Variants in SMDT1 observed in about 807,000 individuals in gnomAD.
SMDT1 encodes the protein essential MCU regulator, mitochondrial.
SMDT1 carries 6 observed loss-of-function variants against 5.9 expected under a neutral mutation model. That is an observed-to-expected ratio of 1.03 (90% confidence interval 0.56 to 2.02). The LOEUF (loss-of-function observed/expected upper bound fraction) is 2.02. Ranked by LOEUF, SMDT1 falls within the 30% of genes most tolerant of loss-of-function variation. SMDT1 has a pLI of 0.00. For missense variants in SMDT1, 159 were observed against 145.6 expected, an observed-to-expected ratio of 1.09 and a Z score of -0.47; for synonymous variants, 81 against 62.4, an observed-to-expected ratio of 1.30 and a Z score of -1.40.
At chr22:42,081,721 C>T (rs567046660) in intron 1 of SMDT1, among the ~76,000 whole-genome samples, 55 of 152,290 alleles carry the variant, frequency 3.6e-4, no homozygotes, top group East Asian at 2.7e-3. Flanking sequence ...CTCAGCCTCC[C>T]AAAGTGCTGG....
chr22:42,081,863 T>C, intron 1 of SMDT1, 62 bp from the exon 2 acceptor site: 1 of 1,599,000 alleles, frequency 6.3e-7, no homozygotes, highest in Non-Finnish European at 8.5e-7. Flanking sequence ...GAGGGCCAGG[T>C]CTTCTTTGGT....
chr22:42,080,776 T>A (rs2146861098), intron 1 of SMDT1, among the ~76,000 whole-genome samples: 1 of 152,352 alleles, frequency 6.6e-6, no homozygotes, highest in Non-Finnish European at 1.5e-5. Flanking sequence ...ATTTTTTTAA[T>A]TCTAGGAATA....
rs1478821023 is a variant in SMDT1 at position 42,083,108 on chromosome 22, C to T, written c.*4-11C>T. The stretch of plus-strand genomic sequence containing the variant: ...TGTTGCCCAGTTCACTGCTGCTTTC[C>T]TTTCTTACAGGAATTACAGAAAGGA... On this transcript the variant is annotated splice_polypyrimidine_tract_variant and intron_variant, in intron 2 of 2. Transcript: ENST00000331479. 6.6e-6 allele frequency: 1 copy of T among 152,594 alleles called. No individual in the cohort carries two copies. The highest frequency in any genetic ancestry group is 1.5e-5 in the Non-Finnish European group (1 of 68,042). 9.5% of individuals were successfully genotyped at this position (152,594 alleles called of 1,614,324 possible). A position where few individuals can be genotyped will look rare whatever the true frequency, so the allele number is the denominator to read the frequency against.
At position 42,079,980 on chromosome 22, in the gene SMDT1, G is replaced by A. The variant is rs1193196690; in HGVS notation, c.186+26G>A. On this transcript the variant is annotated intron_variant, in intron 1 of 2. Transcript: ENST00000331479. ...GTGAGTGTCCTCCTGGAGACGGGGC[G>A]AAGGGGCTGAGGCCAATCATTGTGG... 4 of 1,595,832 alleles carry A rather than the reference G, an allele frequency of 2.5e-6. No homozygotes were observed. The African/African-American group carries it at 5.4e-5, about 21-fold the overall frequency.
intron 1 of SMDT1, 32 bp downstream of exon 1, chr22:42,079,986 G>A (rs1190035274): frequency 5.7e-6 from 9 of 1,585,846 alleles, no homozygotes; most frequent in African/African-American, 1.3e-5. Context: ...GGGCGAAGGG[G>A]CTGAGGCCAA....
At chr22:42,082,606 C>T (rs1468100782) in intron 2 of SMDT1, among the ~76,000 whole-genome samples, 1 of 152,216 alleles carries the variant, frequency 6.6e-6, no homozygotes, top group Non-Finnish European at 1.5e-5. Flanking sequence ...GGTCACACCT[C>T]TTATTCCAGT....
At chr22:42,081,062 A>C (rs1172164690) in intron 1 of SMDT1, among the ~76,000 whole-genome samples, 1 of 152,150 alleles carries the variant, frequency 6.6e-6, no homozygotes, top group Non-Finnish European at 1.5e-5. Context: ...AGGGATTTAA[A>C]GTAATTAGCA....
chr22:42,083,885 C>A lies in SMDT1; in HGVS notation c.*770C>A, dbSNP rs751844133. 6.6e-6 allele frequency: 1 copy of A among 152,148 alleles called. No homozygotes were observed. Among genetic ancestry groups the A allele is most frequent in the African/African-American group, 2.4e-5 (1 of 41,402 alleles). The allele number at this position is 152,148 out of a possible 1,614,324, so 9.4% of individuals were successfully genotyped here. A position where few individuals can be genotyped will look rare whatever the true frequency, so the allele number is the denominator to read the frequency against. On this transcript the variant is annotated 3_prime_UTR_variant, in exon 3 of 3. Transcript: ENST00000331479. ...ACTAAAAGTATAATCTTCCTTTGCC[C>A]GTCTTCCAGTTGGCCATAAAAAGAA... is the stretch of plus-strand genomic sequence containing the variant.
Position 42,083,196 on chromosome 22 carries a change from G to C in SMDT1, c.*81G>C, listed in dbSNP as rs1927913246. The C allele has an allele frequency of 6.6e-6, 1 of 152,642 alleles. No individual in the cohort carries two copies. Among genetic ancestry groups the C allele is most frequent in the Non-Finnish European group, 1.5e-5 (1 of 68,034 alleles). The allele number at this position is 152,642 out of a possible 1,614,324, so 9.5% of individuals were successfully genotyped here. On this transcript the variant is annotated 3_prime_UTR_variant, in exon 3 of 3. Transcript: ENST00000331479. ...TCTCTGCCTTCCCTATCAGCAGAAA[G>C]GCTCGGGGAAGGCCCTCAGCCTCCC... is the stretch of plus-strand genomic sequence containing the variant.
intron 1 of SMDT1, 150 bp downstream of exon 1, chr22:42,080,104 A>C (rs902784377): frequency 1.1e-6 from 1 of 887,394 alleles, no homozygotes; most frequent in African/African-American, 1.7e-5. Flanking sequence ...ATGAGTTGCT[A>C]ATTTTGACAG....
At position 42,079,788 on chromosome 22, in the gene SMDT1, G is replaced by T; in HGVS notation, c.20G>T (p.Arg7Leu). Residue 7 changes from arginine to leucine, a missense_variant, in exon 1 of 3, where the codon CGC (arginine) becomes CTC (leucine). Arg to Leu is a moderately radical substitution (Grantham distance 102). Transcript: ENST00000331479. MASGAA[R>L]WLVLAPVRSG... is the part of the protein sequence containing the mutation. ...GGGGGCATGGCGTCCGGAGCGGCTC[G>T]CTGGCTAGTATTGGCACCCGTCAGG... The T allele has an allele frequency of 6.2e-7, 1 of 1,605,902 alleles. No individual in the cohort carries two copies. Among genetic ancestry groups the T allele is most frequent in the Non-Finnish European group, 8.5e-7 (1 of 1,178,662 alleles).
rs563340750 is a variant in SMDT1, at chr22:42,083,313, C to T, written c.*198C>T. ...GATGTGCTGTCCACTAAGCACTGCACAAACAAGCAATCAAATTATGAATAA... is the reference window on the plus strand; with the variant it reads ...GATGTGCTGTCCACTAAGCACTGCATAAACAAGCAATCAAATTATGAATAA... On this transcript the variant is annotated 3_prime_UTR_variant, in exon 3 of 3. Transcript: ENST00000331479. 2.6e-5 allele frequency: 4 copies of T among 152,400 alleles called. No homozygotes were observed. Among genetic ancestry groups the T allele is most frequent in the African/African-American group, 9.7e-5 (4 of 41,436 alleles). The allele number at this position is 152,400 out of a possible 1,614,324, so 9.4% of individuals were successfully genotyped here.
chr22:42,080,709 A>G lies in SMDT1; in HGVS notation c.186+755A>G, dbSNP rs375973178. On this transcript the variant is annotated intron_variant, in intron 1 of 2. Transcript: ENST00000331479. Reference sequence around the variant, plus strand: ...AGTCTAGCCTATGCTAACTCACACAATTGACTGTAGGTCCATGTTGGGAAA... The same window carrying G: ...AGTCTAGCCTATGCTAACTCACACAGTTGACTGTAGGTCCATGTTGGGAAA... Among the ~76,000 whole-genome samples, 375 of 152,366 alleles carry G rather than the reference A, an allele frequency of 2.5e-3. 1 individual carries two copies. The highest frequency in any genetic ancestry group is 8.6e-3 in the African/African-American group (357 of 41,584).
At position 42,079,919 on chromosome 22, in the gene SMDT1, A is replaced by G; in HGVS notation, c.151A>G (p.Thr51Ala). 6.2e-7 allele frequency: 1 copy of G among 1,613,480 alleles called. No homozygotes were observed. The highest frequency in any genetic ancestry group is 1.1e-5 in the South Asian group (1 of 91,022). ...GGTACCGTCGAGGTCAGTCATCGTT[A>G]CCCGCAGCGGCGCCATTTTGCCCAA... The part of the protein sequence containing the change: ...SLVPSRSVIV[T>A]RSGAILPKPV... Residue 51 changes from threonine (T) to alanine (A), a missense_variant, in exon 1 of 3, where the codon ACC (threonine) becomes GCC (alanine). Thr to Ala is a moderately conservative substitution (Grantham distance 58). Coordinates refer to ENST00000331479, the MANE Select transcript of SMDT1 (RefSeq NM_033318.5).
At position 42,081,996 on chromosome 22, in the gene SMDT1, G is replaced by T. The variant is rs148102143; in HGVS notation, c.258G>T (p.Lys86Asn). 1.2e-6 allele frequency: 2 copies of T among 1,614,050 alleles called. No individual in the cohort carries two copies. Among genetic ancestry groups the T allele is most frequent in the East Asian group, 2.2e-5 (1 of 44,876 alleles). Residue 86 changes from lysine (K) to asparagine (N), a missense_variant, in exon 2 of 3, where the codon AAG becomes AAT. Coordinates refer to ENST00000331479, the MANE Select transcript of SMDT1 (RefSeq NM_033318.5). ...TCTATGTCGGGACACTCATTAGCAA[G>T]AACTTTGCTGCTCTACTTGAGGAAC... ...PFLYVGTLIS[K>N]NFAALLEEHD...
rs888764143 is a variant in SMDT1, at chr22:42,083,745, G to C, written c.*630G>C. On this transcript the variant is annotated 3_prime_UTR_variant, in exon 3 of 3. Transcript: ENST00000331479. ...TATAACTCCCAAAACCCTTGTTTTA[G>C]GCTTTTGTTATAATGTTGGGCACTT... The C allele has an allele frequency of 2.0e-5, 3 of 152,304 alleles. No individual in the cohort carries two copies. In the East Asian group the frequency reaches 5.8e-4, roughly 29 times the overall value. The allele number at this position is 152,304 out of a possible 1,614,324, so 9.4% of individuals were successfully genotyped here.
In SMDT1 at chr22:42,083,202, G is replaced by A. The variant is rs1001170432; in HGVS notation, c.*87G>A. On this transcript the variant is annotated 3_prime_UTR_variant, in exon 3 of 3. Transcript: ENST00000331479. ...CCTTCCCTATCAGCAGAAAGGCTCG[G>A]GGAAGGCCCTCAGCCTCCCAGTCTG... The A allele has an allele frequency of 1.3e-5, 2 of 152,630 alleles. No individual in the cohort carries two copies. The highest frequency in any genetic ancestry group is 2.9e-5 in the Non-Finnish European group (2 of 68,032). 9.5% of individuals were successfully genotyped at this position (152,630 alleles called of 1,614,324 possible).
intron 2 of SMDT1, chr22:42,082,270 C>T (rs989094165): frequency 7.0e-6 from 4 of 567,884 alleles, no homozygotes; most frequent in African/African-American, 3.8e-5. Flanking sequence ...GGCATGATCT[C>T]GACTCACTGC....
At position 42,082,050 on chromosome 22, in the gene SMDT1, T is replaced by A; in HGVS notation, c.312T>A (p.Asp104Glu). 1.2e-6 allele frequency: 2 copies of A among 1,612,526 alleles called. No individual in the cohort carries two copies. Among genetic ancestry groups the A allele is most frequent in the Admixed American group, 1.7e-5 (1 of 60,010 alleles). Residue 104 changes from aspartate to glutamate, a missense_variant, in exon 2 of 3, where the codon GAT (aspartate) becomes GAA (glutamate). Physicochemically the swap from Asp to Glu is conservative, Grantham distance 45. Transcript: ENST00000331479. ...ACATTTTTGTTCCAGAGGATGATGATGATGATGACTAACAGGTAAGACTTG... is the reference window on the plus strand; with the variant it reads ...ACATTTTTGTTCCAGAGGATGATGAAGATGATGACTAACAGGTAAGACTTG... Reference protein sequence around the residue: ...EHDIFVPEDDDDDD With the variant: ...EHDIFVPEDDEDDD
Sources: gnomAD v4.1 joint callset for allele counts (sites outside exome capture counted in the v4.1 genomes callset) on GRCh38, gnomAD v4.1.1 for gene constraint, MANE v1.5 for transcripts, NCBI Gene and HGNC (gene_info 2026-07-23, HGNC 2026-07-21) for gene names.